The following LIMA1 variants were observed in gnomAD, a reference collection of about 807,000 sequenced individuals.
LIMA1 encodes the protein LIM domain and actin binding 1.
Under a neutral mutation model 62.6 loss-of-function variants are expected in LIMA1, and 52 were observed. That is an observed-to-expected ratio of 0.83 (90% confidence interval 0.67 to 1.05). The LOEUF (loss-of-function observed/expected upper bound fraction) is 1.05, where lower values mean the gene tolerates loss of function less well. Ranked by LOEUF, LIMA1 falls within the 50% of genes least tolerant of loss-of-function variation. The pLI, the probability that LIMA1 is intolerant of heterozygous loss-of-function variation, is 0.00. For missense variants in LIMA1, 780 were observed against 902.2 expected, an observed-to-expected ratio of 0.86 and a Z score of 1.74; for synonymous variants, 302 against 317.8, an observed-to-expected ratio of 0.95 and a Z score of 0.53.
intron 3 of LIMA1, among the ~76,000 whole-genome samples, chr12:50,226,779 C>A (rs1379117221): frequency 6.7e-6 from 1 of 149,062 alleles, no homozygotes; most frequent in African/African-American, 2.5e-5. Flanking sequence ...GCGGAGGTTG[C>A]AGTGAGCTGC....
Position 50,175,790 on chromosome 12 carries a change from C to A in LIMA1, c.*1274G>T, listed in dbSNP as rs1488139173. The A allele has an allele frequency of 2.0e-5, 3 of 152,098 alleles. No individual in the cohort carries two copies. The highest frequency in any genetic ancestry group is 1.3e-4 in the Admixed American group (2 of 15,260). The allele number at this position is 152,098 out of a possible 1,614,324, so 9.4% of individuals were successfully genotyped here. ...AATGGAAGAGAAACATTGAAAAGTT[C>A]AAATTTTAATTAAAATCTTTATTGA... On this transcript the variant is annotated 3_prime_UTR_variant, in exon 11 of 11. Coordinates refer to ENST00000341247, the MANE Select transcript of LIMA1 (RefSeq NM_016357.5).
At chr12:50,190,624 C>T (rs539730053) in intron 9 of LIMA1, among the ~76,000 whole-genome samples, 101 of 148,906 alleles carry the variant, frequency 6.8e-4, no homozygotes, top group Non-Finnish European at 1.2e-3. Flanking sequence ...AGGTGATCCG[C>T]CCGTCTCAGC....
intron 9 of LIMA1, among the ~76,000 whole-genome samples, chr12:50,185,047 G>A (rs1940598005): frequency 6.6e-6 from 1 of 152,254 alleles, no homozygotes; most frequent in South Asian, 2.1e-4. Flanking sequence ...GGTCAGGCTG[G>A]TTTCTAACTC....
At chr12:50,197,418 G>A (rs1940954965) in intron 7 of LIMA1, among the ~76,000 whole-genome samples, 1 of 151,676 alleles carries the variant, frequency 6.6e-6, no homozygotes, top group African/African-American at 2.4e-5. Flanking sequence ...TAACACTTAG[G>A]TATTGGTTAA....
At chr12:50,270,336 C>G (rs1026944402) in intron 1 of LIMA1, among the ~76,000 whole-genome samples, 1 of 147,686 alleles carries the variant, frequency 6.8e-6, no homozygotes, top group Non-Finnish European at 1.5e-5. Flanking sequence ...CAGTGGCTCA[C>G]GCCTGTAATC....
intron 1 of LIMA1, among the ~76,000 whole-genome samples, chr12:50,252,579 C>CCA (rs1941944310): frequency 1.7e-5 from 1 of 59,018 alleles, no homozygotes; most frequent in Non-Finnish European, 3.2e-5. Flanking sequence ...GAAACTGTCT[C>CCA]AAAAAAAAAA....
At chr12:50,206,317 T>A (rs1425225633) in intron 4 of LIMA1, among the ~76,000 whole-genome samples, 5 of 152,202 alleles carry the variant, frequency 3.3e-5, no homozygotes, top group Non-Finnish European at 7.4e-5. Context: ...TTTGTAACAC[T>A]TATTGGAGGG....
rs1475031172 is a variant in LIMA1 at position 50,222,137 on chromosome 12, C to T, written c.514G>A (p.Val172Ile). The T allele has an allele frequency of 6.2e-7, 1 of 1,614,148 alleles. No homozygotes were observed. The highest frequency in any genetic ancestry group is 1.7e-5 in the Admixed American group (1 of 60,004). ...TTTTCACTGATTTCTGATTTTTCTA[C>T]TTCATGCCTGGATTCTCCTAGACAA... is the stretch of plus-strand genomic sequence containing the variant. ...ENCLGESRHE[V>I]EKSEISENTD... The change falls in exon 4 of 11, where the codon GTA becomes ATA. Residue 172 changes from valine (V) to isoleucine (I), a missense_variant. Coordinates refer to ENST00000341247, the MANE Select transcript of LIMA1 (RefSeq NM_016357.5).
At chr12:50,273,144 G>A (rs1029403758) in intron 1 of LIMA1, among the ~76,000 whole-genome samples, 2 of 151,768 alleles carry the variant, frequency 1.3e-5, no homozygotes, top group South Asian at 2.1e-4. Flanking sequence ...TAGTAGAGAC[G>A]GAGTTTTGCC....
chr12:50,216,639 T>A (rs1402479654), intron 4 of LIMA1, among the ~76,000 whole-genome samples: 5 of 151,806 alleles, frequency 3.3e-5, no homozygotes, highest in African/African-American at 1.2e-4. Context: ...GGTGGGCAGA[T>A]CACCTGAGGT....
At chr12:50,192,705 A>C (rs1940805573) in intron 8 of LIMA1, 144 bp from the exon 9 acceptor site, 2 of 635,500 alleles carry the variant, frequency 3.1e-6, no homozygotes, top group Non-Finnish European at 5.8e-6. Flanking sequence ...CTGTTGAAGA[A>C]TATTCGAACA....
At chr12:50,217,050 G>A (rs972868098) in intron 4 of LIMA1, among the ~76,000 whole-genome samples, 12 of 151,658 alleles carry the variant, frequency 7.9e-5, no homozygotes, top group African/African-American at 2.4e-4. Flanking sequence ...TATGAACTAA[G>A]TTATTGACCA....
chr12:50,268,352 A>G (rs1168105441), intron 1 of LIMA1, among the ~76,000 whole-genome samples: 1 of 152,110 alleles, frequency 6.6e-6, no homozygotes, highest in Non-Finnish European at 1.5e-5. Context: ...TGGTACTCTG[A>G]GTATCAGGAT....
In LIMA1 at chr12:50,177,104, T is replaced by A; in HGVS notation, c.2240A>T (p.Lys747Met). 6.2e-7 allele frequency: 1 copy of A among 1,601,904 alleles called. No homozygotes were observed. Reference sequence around the variant, plus strand: ...ATCCTCATCATAATACCGATTTCTCTTTATCTGTTCTTCCACAGAGAGCTC... The same window carrying A: ...ATCCTCATCATAATACCGATTTCTCATTATCTGTTCTTCCACAGAGAGCTC... Reference protein sequence around the residue: ...VKELSVEEQIKRNRYYDEDED... With the variant: ...VKELSVEEQIMRNRYYDEDED... The change falls in exon 11 of 11, where the codon AAG becomes ATG. Residue 747 changes from lysine (K) to methionine (M), a missense_variant. Coordinates refer to ENST00000341247, the MANE Select transcript of LIMA1 (RefSeq NM_016357.5).
chr12:50,188,195 A>G (rs1210193576), intron 9 of LIMA1: 1 of 152,208 alleles, frequency 6.6e-6, no homozygotes, highest in African/African-American at 2.4e-5. Flanking sequence ...GACAGGCACT[A>G]AGAAACAGTT....
chr12:50,212,709 T>C (rs1178327655), intron 4 of LIMA1, among the ~76,000 whole-genome samples: 1 of 152,234 alleles, frequency 6.6e-6, no homozygotes, highest in Non-Finnish European at 1.5e-5. Flanking sequence ...TATATTGTAC[T>C]AGTGGTGTTA....
intron 4 of LIMA1, among the ~76,000 whole-genome samples, chr12:50,211,943 C>T (rs1302420208): frequency 6.7e-6 from 1 of 148,754 alleles, no homozygotes; most frequent in Non-Finnish European, 1.5e-5. Context: ...ACTTTTAAGA[C>T]TTTCTGGAAT....
chr12:50,238,625 G>A (rs933274355), intron 2 of LIMA1, among the ~76,000 whole-genome samples: 3 of 152,004 alleles, frequency 2.0e-5, no homozygotes, highest in African/African-American at 4.8e-5. Context: ...TTGGCAGGCC[G>A]AGGCAGGTGG....
chr12:50,236,598 C>T (rs906200931), intron 2 of LIMA1, among the ~76,000 whole-genome samples: 30 of 151,230 alleles, frequency 2.0e-4, no homozygotes, highest in African/African-American at 5.6e-4. Flanking sequence ...CGCACCCGGC[C>T]GGAAAAGATT....
Sources: gnomAD v4.1 joint callset for allele counts (sites outside exome capture counted in the v4.1 genomes callset) on GRCh38, gnomAD v4.1.1 for gene constraint, MANE v1.5 for transcripts, NCBI Gene and HGNC (gene_info 2026-07-23, HGNC 2026-07-21) for gene names.